Variants in CHD7 observed in about 807,000 individuals in gnomAD.
CHD7 encodes chromodomain helicase DNA binding protein 7.
A neutral mutation model predicts 307.3 loss-of-function variants in CHD7; 24 were observed. That is an observed-to-expected ratio of 0.08 (90% CI 0.06 to 0.11). The LOEUF (loss-of-function observed/expected upper bound fraction) is 0.11, where lower values mean the gene tolerates loss of function less well. CHD7 is among the 10% of genes least tolerant of loss of function. The probability of loss-of-function intolerance (pLI) is 1.00; values close to 1 mark genes in which losing one functional copy is unlikely to be tolerated. For missense variants in CHD7, 3,106 were observed against 3,727.1 expected, an observed-to-expected ratio of 0.83 and a Z score of 4.34; for synonymous variants, 1,363 against 1,349.9, an observed-to-expected ratio of 1.01 and a Z score of -0.21.
Position 60,801,567 on chromosome 8 carries a change from A to G in CHD7, c.2416A>G (p.Met806Val), listed in dbSNP as rs775361057. 1.3e-6 allele frequency: 2 copies of G among 1,575,472 alleles called. No individual in the cohort carries two copies. The highest frequency in any genetic ancestry group is 1.7e-6 in the Non-Finnish European group (2 of 1,159,258). The change falls in exon 6 of 38, where the codon ATG (methionine) becomes GTG (valine). Residue 806 changes from methionine (M) to valine (V), a missense_variant. Met to Val is a conservative substitution (Grantham distance 21, BLOSUM62 1). Transcript: ENST00000423902. The part of the protein sequence containing the change: ...DAEGPVVEKI[M>V]SSRSVKKQKE... ...AGAAGGCCCAGTGGTAGAAAAAATT[A>G]TGAGCAGTCGTTCAGTAAAAAAGCA...
rs1427104456 is a variant in CHD7, at chr8:60,861,047, T to A, written c.7752T>A (p.Asp2584Glu). ...LEDGTRLVGE[D>E]APKNKDLVEW... ...ATGGGACTAGGCTGGTGGGGGAAGA[T>A]GCTCCTAAAAATAAGGATTTAGTTG... The change falls in exon 35 of 38, where the codon GAT becomes GAA. Residue 2584 changes from aspartate to glutamate, a missense_variant. By Grantham distance (45) the Asp-to-Glu change is conservative. This residue lies in a region of CHD7 where 1,030 missense variants were observed against 1,165.4 expected (regional missense o/e 0.88). Coordinates refer to ENST00000423902, the MANE Select transcript of CHD7 (RefSeq NM_017780.4). 1.9e-5 allele frequency: 30 copies of A among 1,613,868 alleles called. No individual in the cohort carries two copies. Among genetic ancestry groups the A allele is most frequent in the Non-Finnish European group, 2.5e-5 (30 of 1,179,894 alleles).
At chr8:60,822,796 G>A (rs1046232209) in intron 12 of CHD7, 50 bp downstream of exon 12, 2 of 1,435,316 alleles carry the variant, frequency 1.4e-6, no homozygotes, top group South Asian at 1.8e-5. Flanking sequence ...GCATTTTAAG[G>A]TGTTAAAAAA....
At chr8:60,711,096 CA>C (rs1269871142) in intron 1 of CHD7, among the ~76,000 whole-genome samples, 1 of 152,136 alleles carries the variant, frequency 6.6e-6, no homozygotes, top group African/African-American at 2.4e-5. Flanking sequence ...GTGTTCCCTA[CA>C]TTTCTGCTCC....
In CHD7 at chr8:60,856,555, C is replaced by G. The variant is rs1227788086; in HGVS notation, c.7275C>G (p.Ala2425=). ...GGCGAAATCTCATGGAGATGGTTGC[C>G]CAGCTTCGAGAGTCTCAGGTGGTCT... ...AKRRNLMEMV[A]QLRESQVVSE... Residue 2425 remains alanine (A), a synonymous_variant, in exon 34 of 38, where the codon GCC becomes GCG. Transcript: ENST00000423902. 2 of 1,613,840 alleles carry G rather than the reference C, an allele frequency of 1.2e-6. No homozygotes were observed. The highest frequency in any genetic ancestry group is 1.7e-6 in the Non-Finnish European group (2 of 1,179,864).
Position 60,862,638 on chromosome 8 carries a change from A to G in CHD7, c.8062A>G (p.Ile2688Val). 7 of 1,561,780 alleles carry G rather than the reference A, an allele frequency of 4.5e-6. No individual in the cohort carries two copies. The highest frequency in any genetic ancestry group is 6.1e-6 in the Non-Finnish European group (7 of 1,151,500). ...EFAVAPDWTD[I>V]VKQSGFVPES... ...TGCAGTTGCTCCAGACTGGACTGATATAGTTAAGCAGTCTGTAAGTACAAA... is the reference window on the plus strand; with the variant it reads ...TGCAGTTGCTCCAGACTGGACTGATGTAGTTAAGCAGTCTGTAAGTACAAA... Residue 2688 changes from isoleucine to valine, a missense_variant, in exon 37 of 38, where the codon ATA (isoleucine) becomes GTA (valine). Coordinates refer to ENST00000423902, the MANE Select transcript of CHD7 (RefSeq NM_017780.4).
At position 60,854,126 on chromosome 8, in the gene CHD7, G is replaced by C. The variant is rs117049687; in HGVS notation, c.6776-237G>C. 9.0e-3 allele frequency among the ~76,000 whole-genome samples: 1,370 copies of C among 152,266 alleles called. 41 individuals are homozygous for C. The highest frequency in any genetic ancestry group is 0.014 in the East Asian group (75 of 5,182). The stretch of plus-strand genomic sequence containing the variant: ...AGGTTTACTTGCACGGTGCTAGGTG[G>C]CTAGTGACTAACCTCTCTAAGCCTC... On this transcript the variant is annotated intron_variant, in intron 31 of 37. Transcript: ENST00000423902.
chr8:60,762,990 G>A (rs748753642), intron 2 of CHD7, among the ~76,000 whole-genome samples: 14 of 152,162 alleles, frequency 9.2e-5, no homozygotes, highest in Non-Finnish European at 1.2e-4. Flanking sequence ...CCGAGGGTTG[G>A]TGGGGGGGCG....
At chr8:60,695,547 G>A (rs10504314) in intron 1 of CHD7, among the ~76,000 whole-genome samples, 6,870 of 152,192 alleles carry the variant, frequency 0.045, 540 homozygotes, top group African/African-American at 0.16. Flanking sequence ...GTGTTGTAGC[G>A]TTGGGAAGCA....
intron 7 of CHD7, among the ~76,000 whole-genome samples, chr8:60,810,386 T>A (rs527824358): frequency 1.4e-3 from 211 of 147,342 alleles, no homozygotes; most frequent in African/African-American, 3.5e-3. Context: ...AGAGAGTGTG[T>A]GTGTGTGTGT....
chr8:60,828,922 C>A, intron 14 of CHD7, 116 bp downstream of exon 14: 3 of 893,708 alleles, frequency 3.4e-6, no homozygotes, highest in South Asian at 1.7e-5. Flanking sequence ...CCACCTAGTA[C>A]ACAGAACCTT....
At chr8:60,754,532 G>A (rs1809792951) in intron 2 of CHD7, among the ~76,000 whole-genome samples, 1 of 151,638 alleles carries the variant, frequency 6.6e-6, no homozygotes, top group Non-Finnish European at 1.5e-5. Flanking sequence ...CCTTATTTTG[G>A]AAAACAGGAC....
At chr8:60,716,802 T>C (rs1807625012) in intron 1 of CHD7, among the ~76,000 whole-genome samples, 2 of 152,226 alleles carry the variant, frequency 1.3e-5, no homozygotes, top group Non-Finnish European at 2.9e-5. Flanking sequence ...AGGTGCACAA[T>C]ACATATTTGT....
chr8:60,730,402 TG>T (rs1808383920), intron 1 of CHD7, among the ~76,000 whole-genome samples: 1 of 152,228 alleles, frequency 6.6e-6, no homozygotes, highest in Non-Finnish European at 1.5e-5. Flanking sequence ...CATGTTTCGC[TG>T]TGTGATATTT....
chr8:60,741,860 C>T lies in CHD7; in HGVS notation c.428C>T (p.Ser143Phe), dbSNP rs188533205. Residue 143 changes from serine to phenylalanine, a missense_variant, in exon 2 of 38, where the codon TCC becomes TTC. Ser to Phe is a radical substitution (Grantham distance 155). This residue lies in a region of CHD7 where 998 missense variants were observed against 1,004.5 expected (regional missense o/e 0.99). Coordinates refer to ENST00000423902, the MANE Select transcript of CHD7 (RefSeq NM_017780.4). ...RHGQSFVDSS[S>F]MWGPRAVQVP... ...GGGCAATCCTTTGTGGACAGCAGCT[C>T]CATGTGGGGCCCCAGGGCTGTTCAG... 6.2e-7 allele frequency: 1 copy of T among 1,613,844 alleles called. No individual in the cohort carries two copies. Among genetic ancestry groups the T allele is most frequent in the Non-Finnish European group, 8.5e-7 (1 of 1,179,842 alleles).
intron 15 of CHD7, among the ~76,000 whole-genome samples, chr8:60,832,370 A>G (rs1804556797): frequency 6.6e-6 from 1 of 152,122 alleles, no homozygotes; most frequent in Non-Finnish European, 1.5e-5. Flanking sequence ...TAAAGAGAGT[A>G]TCATGTGTGA....
intron 34 of CHD7, among the ~76,000 whole-genome samples, chr8:60,859,274 G>C (rs1020263222): frequency 6.6e-6 from 1 of 152,146 alleles, no homozygotes. Flanking sequence ...AGATGTAAAG[G>C]CCAGCAGTGT....
At chr8:60,853,578 A>G (rs1454498126) in intron 31 of CHD7, 78 bp downstream of exon 31, 2 of 1,145,462 alleles carry the variant, frequency 1.7e-6, no homozygotes, top group Admixed American at 2.6e-5. Flanking sequence ...GCAGCACGGC[A>G]CCTGCTCTTT....
At chr8:60,773,703 T>C (rs1810818639) in intron 2 of CHD7, among the ~76,000 whole-genome samples, 1 of 152,140 alleles carries the variant, frequency 6.6e-6, no homozygotes, top group Non-Finnish European at 1.5e-5. Flanking sequence ...AGCGGGCTAA[T>C]TTTTTTGTGG....
chr8:60,713,385 C>G (rs1286400104), intron 1 of CHD7, among the ~76,000 whole-genome samples: 2 of 151,612 alleles, frequency 1.3e-5, no homozygotes, highest in Non-Finnish European at 2.9e-5. Flanking sequence ...GCTGGGATTA[C>G]AGGCGTGAGC....
Sources: gnomAD v4.1 joint callset for allele counts (sites outside exome capture counted in the v4.1 genomes callset) on GRCh38, gnomAD v4.1.1 for gene constraint, gnomAD v4.1.1 regional missense constraint, MANE v1.5 for transcripts, NCBI Gene and HGNC (gene_info 2026-07-23, HGNC 2026-07-21) for gene names.